MAGI1: variants seen among roughly 807,000 people sequenced by gnomAD.
MAGI1 encodes membrane associated guanylate kinase, WW and PDZ domain containing 1.
MAGI1 carries 58 observed loss-of-function variants against 139.9 expected under a neutral mutation model. The observed-to-expected ratio is 0.41, with a 90% CI of 0.34 to 0.52. The LOEUF is 0.52. MAGI1 is among the 20% of genes least tolerant of loss of function. The probability of loss-of-function intolerance (pLI) is 0.12; values close to 1 mark genes in which losing one functional copy is unlikely to be tolerated. For missense variants in MAGI1, 1,874 were observed against 1,901.6 expected (o/e 0.99, Z 0.27); for synonymous variants, 812 against 737.9 (o/e 1.10, Z -1.63).
rs372008111 is a variant in MAGI1, at chr3:65,942,913, C to T, written c.313+95083G>A. Among the ~76,000 whole-genome samples the T allele has an allele frequency of 2.4e-4, 36 of 152,132 alleles. No homozygotes were observed. In the East Asian group the frequency reaches 3.1e-3, roughly 13 times the overall value. ...GTGTGCACCTGTAATCCCATCTACT[C>T]GGGAGGCTGAGGCAAGAGAATCCCT... On this transcript the variant is annotated intron_variant, in intron 1 of 22. Coordinates refer to ENST00000402939, the MANE Select transcript of MAGI1 (RefSeq NM_001033057.2).
At chr3:65,405,172 GA>G (rs1353530550) in intron 12 of MAGI1, among the ~76,000 whole-genome samples, 1 of 152,178 alleles carries the variant, frequency 6.6e-6, no homozygotes, top group East Asian at 1.9e-4. Flanking sequence ...GCAGGAGCGA[GA>G]AAAGCTTGGG....
intron 1 of MAGI1, among the ~76,000 whole-genome samples, chr3:65,933,043 T>C (rs1169155061): frequency 1.3e-5 from 2 of 152,244 alleles, no homozygotes; most frequent in Non-Finnish European, 2.9e-5. Flanking sequence ...AAATCAGGCA[T>C]TCAGGGAAGC....
At chr3:65,739,275 G>C (rs148333881) in intron 1 of MAGI1, among the ~76,000 whole-genome samples, 1 of 152,146 alleles carries the variant, frequency 6.6e-6, no homozygotes, top group East Asian at 1.9e-4. Context: ...CTTTTCTTCT[G>C]CAGCTTCCTC....
At chr3:65,720,341 A>G (rs1225544608) in intron 1 of MAGI1, among the ~76,000 whole-genome samples, 1 of 152,140 alleles carries the variant, frequency 6.6e-6, no homozygotes, top group African/African-American at 2.4e-5. Context: ...CTTACCTGCC[A>G]GGTTACCCAG....
intron 1 of MAGI1, among the ~76,000 whole-genome samples, chr3:66,008,070 T>TGCCACC (rs2067126847): frequency 6.6e-6 from 1 of 152,096 alleles, no homozygotes; most frequent in African/African-American, 2.4e-5. Context: ...CTAATTTGTG[T>TGCCACC]ATTTTTAGTA....
At chr3:65,981,078 T>A (rs969369974) in intron 1 of MAGI1, among the ~76,000 whole-genome samples, 1 of 150,804 alleles carries the variant, frequency 6.6e-6, no homozygotes, top group Non-Finnish European at 1.5e-5. Context: ...GAAGAATCAC[T>A]TGAACCCGGG....
intron 2 of MAGI1, among the ~76,000 whole-genome samples, chr3:65,571,575 G>A (rs1219113584): frequency 6.6e-6 from 1 of 151,400 alleles, no homozygotes; most frequent in African/African-American, 2.4e-5. Context: ...TTCAGAAAAA[G>A]CGATAAGCAA....
intron 1 of MAGI1, among the ~76,000 whole-genome samples, chr3:65,726,471 C>T (rs1269182571): frequency 6.6e-6 from 1 of 152,168 alleles, no homozygotes; most frequent in East Asian, 1.9e-4. Flanking sequence ...TTGAAAATCA[C>T]ACAGCAAGGC....
At chr3:65,886,511 T>TAA (rs35219449) in intron 1 of MAGI1, among the ~76,000 whole-genome samples, 2,849 of 152,286 alleles carry the variant, frequency 0.019, 40 homozygotes, top group Non-Finnish European at 0.029. Flanking sequence ...TAAAGGCTTT[T>TAA]GTTGCAGCTA....
At chr3:65,789,807 CAA>C (rs2039641128) in intron 1 of MAGI1, among the ~76,000 whole-genome samples, 1 of 151,922 alleles carries the variant, frequency 6.6e-6, no homozygotes, top group Non-Finnish European at 1.5e-5. Context: ...AAAACAGAAA[CAA>C]AAAAAGTTTC....
At chr3:65,704,039 CA>C (rs1350838136) in intron 1 of MAGI1, among the ~76,000 whole-genome samples, 1 of 152,140 alleles carries the variant, frequency 6.6e-6, no homozygotes, top group Non-Finnish European at 1.5e-5. Context: ...TTAAGGGTCT[CA>C]GTTAATGAAG....
chr3:65,889,226 T>A (rs1010175094), intron 1 of MAGI1, among the ~76,000 whole-genome samples: 1 of 152,212 alleles, frequency 6.6e-6, no homozygotes, highest in Non-Finnish European at 1.5e-5. Context: ...CAGAGTGAGA[T>A]GGCTGAATTA....
intron 2 of MAGI1, among the ~76,000 whole-genome samples, chr3:65,574,802 C>G (rs2081106354): frequency 6.6e-6 from 1 of 151,944 alleles, no homozygotes. Flanking sequence ...GAAATAAGCC[C>G]TCACATATAT....
chr3:65,893,317 T>C (rs2060840305), intron 1 of MAGI1, among the ~76,000 whole-genome samples: 1 of 152,246 alleles, frequency 6.6e-6, no homozygotes. Flanking sequence ...TAACATCAGA[T>C]TTACTATTCA....
intron 1 of MAGI1, among the ~76,000 whole-genome samples, chr3:65,790,838 G>C (rs537027599): frequency 2.0e-5 from 3 of 152,306 alleles, no homozygotes; most frequent in African/African-American, 7.2e-5. Context: ...ACTTTGGGAG[G>C]CCAAGGCAGG....
chr3:65,598,397 G>A (rs985128775), intron 2 of MAGI1, among the ~76,000 whole-genome samples: 6 of 152,196 alleles, frequency 3.9e-5, no homozygotes, highest in African/African-American at 9.6e-5. Context: ...GGGAAGGGGC[G>A]TGACTCCCTT....
intron 1 of MAGI1, among the ~76,000 whole-genome samples, chr3:65,832,908 T>C (rs1433566294): frequency 6.6e-6 from 1 of 152,218 alleles, no homozygotes; most frequent in East Asian, 1.9e-4. Flanking sequence ...TTTCACCCAG[T>C]ATATGACTGT....
chr3:65,522,815 C>A (rs990070140), intron 2 of MAGI1, among the ~76,000 whole-genome samples: 6 of 152,142 alleles, frequency 3.9e-5, no homozygotes, highest in African/African-American at 1.4e-4. Context: ...TGATTGTCTG[C>A]ACTTGGAGAT....
At chr3:65,490,662 G>A (rs564267499) in intron 3 of MAGI1, among the ~76,000 whole-genome samples, 5 of 151,602 alleles carry the variant, frequency 3.3e-5, no homozygotes, top group Admixed American at 2.0e-4. Flanking sequence ...TGGCCAACAC[G>A]GTGAAACCCT....
Sources: allele counts gnomAD v4.1 joint callset (sites outside exome capture counted in the v4.1 genomes callset), GRCh38; gene constraint gnomAD v4.1.1; transcripts MANE v1.5; gene names NCBI Gene and HGNC (gene_info 2026-07-23, HGNC 2026-07-21).